Variants in ZCWPW2 observed in about 807,000 individuals in gnomAD.
The protein encoded by ZCWPW2 is zinc finger CW-type PWWP domain protein 2.
ZCWPW2 carries 45 observed loss-of-function variants against 46.6 expected under a neutral mutation model. That is an observed-to-expected ratio of 0.96 (90% CI 0.76 to 1.24). The LOEUF is 1.24. ZCWPW2 is among the 50% of genes most tolerant of loss of function. ZCWPW2 has a pLI of 0.00. For missense variants in ZCWPW2, 429 were observed against 403.9 expected (o/e 1.06, Z -0.53); for synonymous variants, 152 against 137.1 (o/e 1.11, Z -0.76).
At chr3:28,475,392 A>C (rs1182657252) in intron 4 of ZCWPW2, among the ~76,000 whole-genome samples, 2 of 152,178 alleles carry the variant, frequency 1.3e-5, no homozygotes, top group Admixed American at 6.5e-5. Flanking sequence ...TCTTGCATAA[A>C]TTATTGCAAT....
chr3:28,404,502 G>C (rs1696079560), intron 2 of ZCWPW2, among the ~76,000 whole-genome samples: 1 of 152,226 alleles, frequency 6.6e-6, no homozygotes, highest in Middle Eastern at 3.4e-3. Flanking sequence ...ACTGCCATTT[G>C]ATCTAGCATT....
In ZCWPW2 at chr3:28,348,921, C is replaced by G. The variant is rs962718625; in HGVS notation, c.-416C>G. On this transcript the variant is annotated 5_prime_UTR_variant, in exon 1 of 10. Transcript: ENST00000383768. ...CCCAGGCCCGCCGTCGGGACCAGCACGGGCCGGAGGGAGGGGAAGCACTCC... is the reference window on the plus strand; with the variant it reads ...CCCAGGCCCGCCGTCGGGACCAGCAGGGGCCGGAGGGAGGGGAAGCACTCC... The G allele has an allele frequency of 2.0e-6, 2 of 982,746 alleles. No homozygotes were observed. Among genetic ancestry groups the G allele is most frequent in the African/African-American group, 3.5e-5 (2 of 57,160 alleles). 60.9% of individuals were successfully genotyped at this position (982,746 alleles called of 1,614,324 possible).
At chr3:28,424,805 T>C (rs1696940458) in intron 3 of ZCWPW2, among the ~76,000 whole-genome samples, 1 of 152,182 alleles carries the variant, frequency 6.6e-6, no homozygotes, top group South Asian at 2.1e-4. Flanking sequence ...TGTTTAAAAA[T>C]TATATTGTTA....
chr3:28,390,190 G>A (rs1038986366), intron 1 of ZCWPW2, among the ~76,000 whole-genome samples: 1 of 152,142 alleles, frequency 6.6e-6, no homozygotes, highest in Admixed American at 6.5e-5. Context: ...TCTTCACAGA[G>A]TAAAAGTGCG....
chr3:28,350,014 A>T (rs1365334267), intron 1 of ZCWPW2, among the ~76,000 whole-genome samples: 1 of 152,244 alleles, frequency 6.6e-6, no homozygotes, highest in East Asian at 1.9e-4. Context: ...ATTTCTAAAA[A>T]TACTTAGAAA....
At chr3:28,484,404 G>A (rs1013452421) in intron 5 of ZCWPW2, among the ~76,000 whole-genome samples, 3 of 151,948 alleles carry the variant, frequency 2.0e-5, no homozygotes, top group Admixed American at 6.6e-5. Context: ...AACCCATCTG[G>A]GCTTGCTGCT....
intron 8 of ZCWPW2, among the ~76,000 whole-genome samples, chr3:28,519,917 C>T (rs1700676508): frequency 6.6e-6 from 1 of 151,122 alleles, no homozygotes; most frequent in South Asian, 2.1e-4. Context: ...GTAGTTAAGT[C>T]TAGAGTTATA....
Position 28,386,173 on chromosome 3 carries a change from C to T in ZCWPW2, c.-133-4325C>T, listed in dbSNP as rs546691161. 6.6e-5 allele frequency among the ~76,000 whole-genome samples: 10 copies of T among 151,986 alleles called. No individual in the cohort carries two copies. In the East Asian group the frequency reaches 9.6e-4, roughly 15 times the overall value. On this transcript the variant is annotated intron_variant, in intron 1 of 9. Transcript: ENST00000383768. Reference sequence around the variant, plus strand: ...CTAAGAAAGTAATTAGGAATAAACGCGTTCATAAAGGTGGTATCCTGATCT... The same window carrying T: ...CTAAGAAAGTAATTAGGAATAAACGTGTTCATAAAGGTGGTATCCTGATCT...
intron 9 of ZCWPW2, among the ~76,000 whole-genome samples, chr3:28,521,776 C>G (rs551123703): frequency 6.6e-6 from 1 of 152,190 alleles, no homozygotes; most frequent in South Asian, 2.1e-4. Context: ...TAGACACTTT[C>G]ACGTGGCAAT....
chr3:28,443,080 G>GGGACCCACT (rs1400619019), intron 4 of ZCWPW2, among the ~76,000 whole-genome samples: 3 of 152,112 alleles, frequency 2.0e-5, no homozygotes, highest in Non-Finnish European at 4.4e-5. Flanking sequence ...GATGAGTCCA[G>GGGACCCACT]GGACCCACTG....
chr3:28,351,868 C>A (rs532532226), intron 1 of ZCWPW2, among the ~76,000 whole-genome samples: 1 of 152,032 alleles, frequency 6.6e-6, no homozygotes, highest in African/African-American at 2.4e-5. Flanking sequence ...ATGTTCATAT[C>A]AGCTTCAGTG....
intron 1 of ZCWPW2, among the ~76,000 whole-genome samples, chr3:28,357,804 T>A (rs1269170072): frequency 6.8e-6 from 1 of 147,838 alleles, no homozygotes; most frequent in Non-Finnish European, 1.5e-5. Context: ...ATTTTATATA[T>A]ATATATATAT....
intron 1 of ZCWPW2, among the ~76,000 whole-genome samples, chr3:28,361,052 T>A (rs1195156797): frequency 2.0e-5 from 3 of 152,156 alleles, no homozygotes; most frequent in African/African-American, 7.2e-5. Context: ...TTGGGTCCCA[T>A]CCTCAAGATG....
In ZCWPW2 at chr3:28,349,172, G is replaced by A; in HGVS notation, c.-165G>A. 1 of 985,686 alleles carries A rather than the reference G, an allele frequency of 1.0e-6. No individual in the cohort carries two copies. The highest frequency in any genetic ancestry group is 1.2e-6 in the Non-Finnish European group (1 of 830,164). The allele number at this position is 985,686 out of a possible 1,614,324, so 61.1% of individuals were successfully genotyped here. On this transcript the variant is annotated 5_prime_UTR_variant, in exon 1 of 10. Transcript: ENST00000383768. ...GCGGCGGGACGGGGCGGGGCCGCGG[G>A]ACGCCAGGAGGCGGAGGCGGAGTGG...
At chr3:28,427,488 T>A (rs1452753406) in intron 3 of ZCWPW2, among the ~76,000 whole-genome samples, 1 of 152,192 alleles carries the variant, frequency 6.6e-6, no homozygotes, top group Admixed American at 6.5e-5. Context: ...CATGAAGAAA[T>A]ACTGAAATGC....
chr3:28,508,000 T>C (rs1357687818), intron 6 of ZCWPW2, among the ~76,000 whole-genome samples: 1 of 152,144 alleles, frequency 6.6e-6, no homozygotes, highest in South Asian at 2.1e-4. Flanking sequence ...TTAATAAAGA[T>C]TTATTTGGCT....
intron 4 of ZCWPW2, among the ~76,000 whole-genome samples, chr3:28,477,440 G>A (rs57850842): frequency 0.026 from 4,026 of 152,260 alleles, 158 homozygotes; most frequent in African/African-American, 0.086. Context: ...AGGCAAATGG[G>A]TACTGTGGAG....
At chr3:28,516,099 C>T (rs1467063892) in intron 8 of ZCWPW2, among the ~76,000 whole-genome samples, 1 of 151,392 alleles carries the variant, frequency 6.6e-6, no homozygotes, top group Non-Finnish European at 1.5e-5. Context: ...AATTAGCTGG[C>T]CGTGGTGGCA....
intron 4 of ZCWPW2, among the ~76,000 whole-genome samples, chr3:28,466,187 T>TA (rs1698815738): frequency 6.6e-6 from 1 of 152,118 alleles, no homozygotes; most frequent in Non-Finnish European, 1.5e-5. Context: ...GGCAATCTTC[T>TA]AGTAGGGTGG....
Sources: gnomAD v4.1 joint callset for allele counts (sites outside exome capture counted in the v4.1 genomes callset) on GRCh38, gnomAD v4.1.1 for gene constraint, MANE v1.5 for transcripts, NCBI Gene and HGNC (gene_info 2026-07-23, HGNC 2026-07-21) for gene names.